The following DNAI7 variants were observed in gnomAD, a reference collection of about 807,000 sequenced individuals.
DNAI7 encodes dynein axonemal intermediate chain 7.
DNAI7 carries 78 observed loss-of-function variants against 86.6 expected under a neutral mutation model. The ratio of observed to expected loss-of-function variants is 0.90; its 90% CI spans 0.75 to 1.09. The LOEUF is 1.09. Ranked by LOEUF, DNAI7 falls within the 50% of genes least tolerant of loss-of-function variation. DNAI7 has a pLI of 0.00. For synonymous variants in DNAI7, 274 were observed against 273.0 expected (o/e 1.00, Z -0.04); for missense variants, 753 against 810.2 (o/e 0.93, Z 0.86).
intron 9 of DNAI7, 129 bp from the exon 10 acceptor site, chr12:25,123,415 C>A: frequency 4.1e-6 from 2 of 490,216 alleles, no homozygotes; most frequent in South Asian, 4.4e-5. Context: ...CAAACTGATA[C>A]TTGCTCTACC....
At chr12:25,150,002 G>C (rs1860753327) in intron 6 of DNAI7, among the ~76,000 whole-genome samples, 1 of 152,138 alleles carries the variant, frequency 6.6e-6, no homozygotes, top group Admixed American at 6.5e-5. Context: ...TGAGTCTATA[G>C]TGTTAGACGT....
At chr12:25,166,891 C>A (rs1169918540) in intron 2 of DNAI7, among the ~76,000 whole-genome samples, 2 of 152,152 alleles carry the variant, frequency 1.3e-5, no homozygotes, top group Admixed American at 1.3e-4. Context: ...TATTTTCTTT[C>A]TCCCACCTGA....
intron 2 of DNAI7, among the ~76,000 whole-genome samples, chr12:25,165,106 C>T (rs911308378): frequency 3.3e-5 from 5 of 152,124 alleles, no homozygotes; most frequent in African/African-American, 1.2e-4. Context: ...GCTTTACAGC[C>T]CTAGACCCTA....
Position 25,108,718 on chromosome 12 carries a change from CCTCA to C in DNAI7, c.1995_1998del (p.Ser665ArgfsTer21). Reference sequence around the variant, plus strand: ...TCTTCTTTAAGTGCTTCAGAAAATGCCTCACTCTCTTCCTTGATCTTCAGTCTTT... The same window carrying C: ...TCTTCTTTAAGTGCTTCAGAAAATGCCTCTCTTCCTTGATCTTCAGTCTTT... On this transcript the variant is annotated frameshift_variant, in exon 16 of 16. Coordinates refer to ENST00000395987, the MANE Select transcript of DNAI7 (RefSeq NM_018272.5). LOFTEE classifies it low-confidence loss of function (END_TRUNC). 1 of 1,610,316 alleles carries C rather than the reference CCTCA, an allele frequency of 6.2e-7. No individual in the cohort carries two copies.
intron 7 of DNAI7, 102 bp downstream of exon 7, chr12:25,149,526 C>A: frequency 1.2e-6 from 1 of 816,880 alleles, no homozygotes; most frequent in South Asian, 1.8e-5. Flanking sequence ...CTAACTTTTC[C>A]ATAATCTCTT....
chr12:25,194,797 A>G (rs1950888713), intron 1 of DNAI7: 1 of 1,396,564 alleles, frequency 7.2e-7, no homozygotes, highest in Admixed American at 2.0e-5. Flanking sequence ...GTTGGGACCA[A>G]TTTTCAAGCT....
chr12:25,107,960 T>C, downstream of DNAI7: 1 of 1,614,214 alleles, frequency 6.2e-7, no homozygotes, highest in Non-Finnish European at 8.5e-7. Flanking sequence ...CAGAAGTCTG[T>C]GGATGCCGCT....
chr12:25,176,871 T>C (rs1295968472), intron 2 of DNAI7, among the ~76,000 whole-genome samples: 2 of 151,382 alleles, frequency 1.3e-5, no homozygotes, highest in Admixed American at 1.3e-4. Flanking sequence ...AAAGTATACA[T>C]AACATAAAAT....
chr12:25,159,283 G>A (rs896346064), intron 3 of DNAI7, among the ~76,000 whole-genome samples: 3 of 152,006 alleles, frequency 2.0e-5, no homozygotes, highest in Non-Finnish European at 4.4e-5. Flanking sequence ...ATATTTATTC[G>A]ATTTGAGTAT....
rs147917087 is a variant in DNAI7 at position 25,123,855 on chromosome 12, C to A, written c.1003-569G>T. Among the ~76,000 whole-genome samples the A allele has an allele frequency of 1.0e-3, 159 of 152,258 alleles. 1 individual carries two copies. The highest frequency in any genetic ancestry group is 3.7e-3 in the African/African-American group (152 of 41,530). On this transcript the variant is annotated intron_variant, in intron 9 of 15. Transcript: ENST00000395987. ...CCTCAAATTCCTGATGTAACAATAA[C>A]ACATTTGGTATTTAACTGTGTATCA...
Position 25,112,454 on chromosome 12 carries a change from TG to T in DNAI7, c.1612-516del, listed in dbSNP as rs1315869658. 2.9e-5 allele frequency among the ~76,000 whole-genome samples: 4 copies of T among 136,938 alleles called. No homozygotes were observed. The East Asian group carries it at 8.4e-4, about 29-fold the overall frequency. 89.8% of individuals were successfully genotyped at this position (136,938 alleles called of 152,430 possible). On this transcript the variant is annotated intron_variant, in intron 13 of 15. Coordinates refer to ENST00000395987, the MANE Select transcript of DNAI7 (RefSeq NM_018272.5). The stretch of plus-strand genomic sequence containing the variant: ...CGGAGTCTCCCTCTGTCGCCCAGGC[TG>T]GAGTGCAGTGGTGTGATCTTGGCTC...
At chr12:25,112,544 C>T (rs1236672686) in intron 13 of DNAI7, among the ~76,000 whole-genome samples, 5 of 151,308 alleles carry the variant, frequency 3.3e-5, no homozygotes, top group African/African-American at 4.9e-5. Flanking sequence ...GTAGCTGGGA[C>T]TACAGGCGCC....
downstream of DNAI7, chr12:25,108,136 C>G: frequency 6.6e-7 from 1 of 1,509,402 alleles, no homozygotes; most frequent in Non-Finnish European, 9.0e-7. Flanking sequence ...TAACTTTTAG[C>G]TGGGAAAGTA....
intron 9 of DNAI7, among the ~76,000 whole-genome samples, chr12:25,127,788 C>A (rs1263923564): frequency 6.6e-6 from 1 of 152,016 alleles, no homozygotes; most frequent in Non-Finnish European, 1.5e-5. Flanking sequence ...AAAAACATAA[C>A]CTATCATTAA....
In DNAI7 at chr12:25,129,214, A is replaced by AG. The variant is rs947528730; in HGVS notation, c.1003-5929dup. On this transcript the variant is annotated intron_variant, in intron 9 of 15. Transcript: ENST00000395987. ...GGCCCTCCCTAACTACCCAATGTAA[A>AG]GTCACTCCCAGTTTAATCCTGTTTA... Among the ~76,000 whole-genome samples, 6 of 152,184 alleles carry AG rather than the reference A, an allele frequency of 3.9e-5. No homozygotes were observed. The East Asian group carries it at 7.7e-4, about 20-fold the overall frequency.
At chr12:25,194,788 T>C in intron 1 of DNAI7, 1 of 1,276,204 alleles carries the variant, frequency 7.8e-7, no homozygotes, top group South Asian at 1.4e-5. Context: ...AGTTACTAGG[T>C]TGGGACCAAT....
chr12:25,144,529 T>C lies in DNAI7; in HGVS notation c.838A>G (p.Thr280Ala). Residue 280 changes from threonine to alanine, a missense_variant, in exon 9 of 16, where the codon ACT (threonine) becomes GCT (alanine). Transcript: ENST00000395987. The stretch of plus-strand genomic sequence containing the variant: ...TTGACAAGCTCAGTTACTGCAGAAG[T>C]GTATTCTTTTGATGGTGTTGAAACA... ...HPVSTPSKEYTSAVTELVKDD... is the reference protein window; with the variant it reads ...HPVSTPSKEYASAVTELVKDD... 1 of 1,614,104 alleles carries C rather than the reference T, an allele frequency of 6.2e-7. No individual in the cohort carries two copies. The highest frequency in any genetic ancestry group is 8.5e-7 in the Non-Finnish European group (1 of 1,180,006).
At chr12:25,156,864 C>T (rs1305712831) in intron 4 of DNAI7, among the ~76,000 whole-genome samples, 1 of 152,128 alleles carries the variant, frequency 6.6e-6, no homozygotes, top group Non-Finnish European at 1.5e-5. Context: ...CAAAACTTTT[C>T]AAGCAAGCAA....
chr12:25,131,419 C>T (rs1942908894), intron 9 of DNAI7, among the ~76,000 whole-genome samples: 1 of 152,194 alleles, frequency 6.6e-6, no homozygotes, highest in Non-Finnish European at 1.5e-5. Flanking sequence ...CATAACTTTA[C>T]ACTGTCTGTA....
Sources: allele counts gnomAD v4.1 joint callset (sites outside exome capture counted in the v4.1 genomes callset), GRCh38; gene constraint gnomAD v4.1.1; transcripts MANE v1.5; gene names NCBI Gene and HGNC (gene_info 2026-07-23, HGNC 2026-07-21).